The following TBX3 variants were observed in gnomAD, a reference collection of about 807,000 sequenced individuals.
The protein encoded by TBX3 is T-box transcription factor 3.
TBX3 carries 11 observed loss-of-function variants against 47.8 expected under a neutral mutation model. That is an observed-to-expected ratio of 0.23 (90% CI 0.14 to 0.38). TBX3 has a LOEUF of 0.38. Among genes scored for constraint, TBX3 ranks in the 10% least tolerant of loss-of-function variants. The probability of loss-of-function intolerance (pLI) is 1.00; values close to 1 mark genes in which losing one functional copy is unlikely to be tolerated. For synonymous variants in TBX3, 500 were observed against 449.3 expected (o/e 1.11, Z -1.43); for missense variants, 927 against 1,022.8 (o/e 0.91, Z 1.28).
Position 114,683,288 on chromosome 12 carries a change from C to A in TBX3, c.-88G>T. Reference sequence around the variant, plus strand: ...TTTTTTTGTTGTTGTTTAACAGCAGCACATAATTCAAAAGGGGGGAAAAAG... The same window carrying A: ...TTTTTTTGTTGTTGTTTAACAGCAGAACATAATTCAAAAGGGGGGAAAAAG... On this transcript the variant is annotated 5_prime_UTR_variant, in exon 1 of 7. Coordinates refer to ENST00000349155, the MANE Select transcript of TBX3 (RefSeq NM_005996.4). This position sits in a 1 kb window ranked among gnomAD's most constrained non-coding sequence, Gnocchi z 7.7. The A allele has an allele frequency of 6.6e-7, 1 of 1,522,392 alleles. No homozygotes were observed. Among genetic ancestry groups the A allele is most frequent in the Non-Finnish European group, 8.9e-7 (1 of 1,125,184 alleles). The allele number at this position is 1,522,392 out of a possible 1,614,324, so 94.3% of individuals were successfully genotyped here. A position where few individuals can be genotyped will look rare whatever the true frequency, so the allele number is the denominator to read the frequency against.
At chr12:114,678,126 G>T (rs1393943893) in intron 3 of TBX3, among the ~76,000 whole-genome samples, 3 of 151,374 alleles carry the variant, frequency 2.0e-5, no homozygotes, top group Non-Finnish European at 4.4e-5. Context: ...GAGTGCGGGA[G>T]TGAGTTTAAT....
rs756033342 is a variant in TBX3, at chr12:114,683,023, G to A, written c.178C>T (p.Leu60=). The A allele has an allele frequency of 3.1e-6, 5 of 1,610,242 alleles. No homozygotes were observed. The East Asian group carries it at 8.9e-5, about 29-fold the overall frequency. ...AATTGATCCATGATCGGCTTGGCCAGGGCGCCCGGCAGCGAGAGCGCCGCC... is the reference window on the plus strand; with the variant it reads ...AATTGATCCATGATCGGCTTGGCCAAGGCGCCCGGCAGCGAGAGCGCCGCC... ...GAAALSLPGA[L]AKPIMDQLVG... The change falls in exon 1 of 7, where the codon CTG becomes TTG. Residue 60 remains leucine (L), a synonymous_variant. Transcript: ENST00000349155. The surrounding 1 kb of genome is among the most constrained non-coding windows in gnomAD (Gnocchi z 7.7).
rs992717917 is a variant in TBX3, at chr12:114,683,399, G to A, written c.-199C>T. On this transcript the variant is annotated 5_prime_UTR_variant, in exon 1 of 7. Coordinates refer to ENST00000349155, the MANE Select transcript of TBX3 (RefSeq NM_005996.4). This position sits in a 1 kb window ranked among gnomAD's most constrained non-coding sequence, Gnocchi z 7.7. Reference sequence around the variant, plus strand: ...GGGAGGAGGGGAAGTGTCTTTTGGAGAATGGGAGGCCGCTTTTAAAGAGGG... The same window carrying A: ...GGGAGGAGGGGAAGTGTCTTTTGGAAAATGGGAGGCCGCTTTTAAAGAGGG... The A allele has an allele frequency of 7.1e-6, 5 of 706,632 alleles. No individual in the cohort carries two copies. The highest frequency in any genetic ancestry group is 1.1e-5 in the Non-Finnish European group (5 of 446,090). The allele number at this position is 706,632 out of a possible 1,614,324, so 43.8% of individuals were successfully genotyped here. A position where few individuals can be genotyped will look rare whatever the true frequency, so the allele number is the denominator to read the frequency against.
rs1387913346 is a variant in TBX3 at position 114,683,462 on chromosome 12, C to T, written c.-262G>A. The T allele has an allele frequency of 1.9e-6, 1 of 525,068 alleles. No individual in the cohort carries two copies. The highest frequency in any genetic ancestry group is 2.7e-5 in the South Asian group (1 of 37,588). The allele number at this position is 525,068 out of a possible 1,614,324, so 32.5% of individuals were successfully genotyped here. The stretch of plus-strand genomic sequence containing the variant: ...TCAGCAAACATAGTCGCGCGGGTGA[C>T]CGTCCTTGTGCCTTGCGTTTTTAAA... On this transcript the variant is annotated 5_prime_UTR_variant, in exon 1 of 7. Transcript: ENST00000349155. The surrounding 1 kb of genome is among the most constrained non-coding windows in gnomAD (Gnocchi z 7.7).
At chr12:114,673,267 C>T (rs1240196518) in intron 6 of TBX3, among the ~76,000 whole-genome samples, 1 of 152,212 alleles carries the variant, frequency 6.6e-6, no homozygotes, top group Non-Finnish European at 1.5e-5. Flanking sequence ...AATCTGGTTT[C>T]TTGGCGCAGG....
rs745374468 is a variant in TBX3, at chr12:114,677,563, T to C, written c.881+17A>G. The C allele has an allele frequency of 1.2e-6, 2 of 1,608,670 alleles. No individual in the cohort carries two copies. The highest frequency in any genetic ancestry group is 1.7e-6 in the Non-Finnish European group (2 of 1,179,150). ...GGATTTTTCTAAACTATCTAATAAA[T>C]AATTGTTTCAACTCACCTTTTTTCT... On this transcript the variant is annotated intron_variant, in intron 4 of 6. Coordinates refer to ENST00000349155, the MANE Select transcript of TBX3 (RefSeq NM_005996.4).
Position 114,672,102 on chromosome 12 carries a change from G to A in TBX3, c.1911C>T (p.Thr637=), listed in dbSNP as rs1365880186. Residue 637 remains threonine, a synonymous_variant, in exon 7 of 7, where the codon ACC becomes ACT. Transcript: ENST00000349155. Reference sequence around the variant, plus strand: ...CCGCCGCCATGGAGGGCAGGGCGGTGGTGAGCAGACTGCTGCCGTCCGGGA... The same window carrying A: ...CCGCCGCCATGGAGGGCAGGGCGGTAGTGAGCAGACTGCTGCCGTCCGGGA... ...VPVPDGSSLL[T]TALPSMAAAA... is the part of the protein sequence containing the mutation. 4 of 1,569,272 alleles carry A rather than the reference G, an allele frequency of 2.5e-6. No homozygotes were observed. The highest frequency in any genetic ancestry group is 3.5e-6 in the Non-Finnish European group (4 of 1,157,290).
rs1359500323 is a variant in TBX3 at position 114,674,477 on chromosome 12, C to T, written c.1398G>A (p.Thr466=). Residue 466 remains threonine (T), a synonymous_variant, in exon 6 of 7, where the codon ACG becomes ACA. Coordinates refer to ENST00000349155, the MANE Select transcript of TBX3 (RefSeq NM_005996.4). The part of the protein sequence containing the change: ...KEAFAPLTVQ[T]DAAAAHLAQG... ...GGGCCAGGTGCGCGGCGGCCGCGTC[C>T]GTCTGCACCGTGAGCGGCGCGAAGG... 6.5e-7 allele frequency: 1 copy of T among 1,533,900 alleles called. No individual in the cohort carries two copies.
In TBX3 at chr12:114,683,108, G is replaced by A. The variant is rs2121160147; in HGVS notation, c.93C>T (p.Ser31=). The change falls in exon 1 of 7, where the codon AGC becomes AGT. Residue 31 remains serine (S), a synonymous_variant. Transcript: ENST00000349155. This position sits in a 1 kb window ranked among gnomAD's most constrained non-coding sequence, Gnocchi z 7.7. ...ACGGCGGCTGGTGACCCAGCACCGCGCTCATGGCGAAGTCCGGCGCCCGGT... is the reference window on the plus strand; with the variant it reads ...ACGGCGGCTGGTGACCCAGCACCGCACTCATGGCGAAGTCCGGCGCCCGGT... ...LPHRAPDFAM[S]AVLGHQPPFF... is the part of the protein sequence containing the mutation. 1 of 1,612,440 alleles carries A rather than the reference G, an allele frequency of 6.2e-7. No individual in the cohort carries two copies. Among genetic ancestry groups the A allele is most frequent in the Non-Finnish European group, 8.5e-7 (1 of 1,179,504 alleles).
chr12:114,677,331 ATTAT>A (rs1474612183), intron 4 of TBX3, among the ~76,000 whole-genome samples: 5 of 152,162 alleles, frequency 3.3e-5, no homozygotes, highest in Non-Finnish European at 4.4e-5. Context: ...TGTATAATCT[ATTAT>A]CCCTGATGCT....
At chr12:114,676,598 T>A in intron 4 of TBX3, 128 bp from the exon 5 acceptor site, 1 of 1,269,924 alleles carries the variant, frequency 7.9e-7, no homozygotes, top group Non-Finnish European at 1.1e-6. Flanking sequence ...CAACGCTAAT[T>A]CACTGAAATC....
At chr12:114,681,296 T>G in intron 1 of TBX3, 150 bp from the exon 2 acceptor site, 1 of 1,149,396 alleles carries the variant, frequency 8.7e-7, no homozygotes, top group Non-Finnish European at 1.2e-6. Context: ...AGGCAACTGG[T>G]TGCAAAATCG....
Position 114,672,057 on chromosome 12 carries a change from G to A in TBX3, c.1956C>T (p.Gly652=), listed in dbSNP as rs1162124210. The change falls in exon 7 of 7, where the codon GGC becomes GGT. Residue 652 remains glycine (G), a synonymous_variant. Transcript: ENST00000349155. Reference sequence around the variant, plus strand: ...GGCTGGCGGCCAGGGCGGCGACTTTGCCGTCCAGGGGCCCCGCGGCCGCCG... The same window carrying A: ...GGCTGGCGGCCAGGGCGGCGACTTTACCGTCCAGGGGCCCCGCGGCCGCCG... The part of the protein sequence containing the change: ...SMAAAAGPLD[G]KVAALAASPA... 1 of 1,573,682 alleles carries A rather than the reference G, an allele frequency of 6.4e-7. No homozygotes were observed. Among genetic ancestry groups the A allele is most frequent in the Admixed American group, 1.8e-5 (1 of 54,062 alleles).
rs1000372007 is a variant in TBX3, at chr12:114,683,901, C to T, written c.-701G>A. ...TCCTCCTTCCTCTGCTCCGAGCCTC[C>T]GGAGGGTGTCTCGGTTTCAATCCAA... On this transcript the variant is annotated 5_prime_UTR_variant, in exon 1 of 7. Coordinates refer to ENST00000349155, the MANE Select transcript of TBX3 (RefSeq NM_005996.4). The surrounding 1 kb of genome is among the most constrained non-coding windows in gnomAD (Gnocchi z 7.7). 1.3e-5 allele frequency: 3 copies of T among 232,088 alleles called. No individual in the cohort carries two copies. Among genetic ancestry groups the T allele is most frequent in the African/African-American group, 6.6e-5 (3 of 45,250 alleles). The allele number at this position is 232,088 out of a possible 1,614,324, so 14.4% of individuals were successfully genotyped here.
intron 1 of TBX3, 50 bp downstream of exon 1, chr12:114,682,762 G>C (rs758296167): frequency 1.2e-6 from 2 of 1,613,600 alleles, no homozygotes; most frequent in Non-Finnish European, 1.7e-6. Flanking sequence ...AGAAATAAAG[G>C]GAGGAAAAAA....
chr12:114,672,763 TTAG>T (rs1868508495), intron 6 of TBX3, among the ~76,000 whole-genome samples: 2 of 152,024 alleles, frequency 1.3e-5, no homozygotes, highest in African/African-American at 4.8e-5. Flanking sequence ...AGGACATAAA[TTAG>T]TAGGAATAAT....
chr12:114,679,896 C>A (rs1251591009), intron 2 of TBX3: 2 of 1,614,040 alleles, frequency 1.2e-6, no homozygotes, highest in South Asian at 2.2e-5. Context: ...TCATTCATAC[C>A]TTGAACCCTA....
At position 114,674,469 on chromosome 12, in the gene TBX3, G is replaced by A. The variant is rs2121383386; in HGVS notation, c.1406C>T (p.Ala469Val). 6.5e-7 allele frequency: 1 copy of A among 1,540,838 alleles called. No homozygotes were observed. The highest frequency in any genetic ancestry group is 1.2e-5 in the South Asian group (1 of 83,282). Reference protein sequence around the residue: ...FAPLTVQTDAAAAHLAQGPLP... With the variant: ...FAPLTVQTDAVAAHLAQGPLP... ...GGGGCCCTGGGCCAGGTGCGCGGCG[G>A]CCGCGTCCGTCTGCACCGTGAGCGG... The change falls in exon 6 of 7, where the codon GCC becomes GTC. Residue 469 changes from alanine (A) to valine (V), a missense_variant. Transcript: ENST00000349155.
intron 3 of TBX3, among the ~76,000 whole-genome samples, chr12:114,678,068 T>G (rs934889227): frequency 1.3e-5 from 2 of 150,534 alleles, no homozygotes; most frequent in Non-Finnish European, 1.5e-5. Flanking sequence ...TCCTTTTCCA[T>G]GAATCCAATA....
Sources: gnomAD v4.1 joint callset for allele counts (sites outside exome capture counted in the v4.1 genomes callset) on GRCh38, gnomAD v4.1.1 for gene constraint, Gnocchi (gnomAD v3.1) non-coding constraint, MANE v1.5 for transcripts, NCBI Gene and HGNC (gene_info 2026-07-23, HGNC 2026-07-21) for gene names.